Variants in ZGRF1 observed in about 807,000 individuals in gnomAD.
ZGRF1 encodes the protein zinc finger GRF-type containing 1, also known as 5'-3' DNA helicase ZGRF1.
A neutral mutation model predicts 203.5 loss-of-function variants in ZGRF1; 196 were observed. The ratio of observed to expected loss-of-function variants is 0.96; its 90% CI spans 0.86 to 1.08. The LOEUF (loss-of-function observed/expected upper bound fraction) is 1.08. ZGRF1 is among the 50% of genes least tolerant of loss of function. The pLI is 0.00. For synonymous variants in ZGRF1, 809 were observed against 841.3 expected (o/e 0.96, Z 0.66); for missense variants, 2,326 against 2,416.3 (o/e 0.96, Z 0.78).
Position 112,606,331 on chromosome 4 carries a change from T to G in ZGRF1, c.2719-240A>C, listed in dbSNP as rs1750772780. Among the ~76,000 whole-genome samples, 4 of 152,196 alleles carry G rather than the reference T, an allele frequency of 2.6e-5. No homozygotes were observed. In the South Asian group the frequency reaches 8.3e-4, roughly 31 times the overall value. On this transcript the variant is annotated intron_variant, in intron 8 of 27. Transcript: ENST00000505019. ...ACTTAGCACATTAGAAAATTCTGAT[T>G]CTAAATTTTTAATTAAATCTTTGAA...
At position 112,563,141 on chromosome 4, in the gene ZGRF1, C is replaced by T. The variant is rs1270689152; in HGVS notation, c.4572G>A (p.Trp1524Ter). 1.3e-6 allele frequency: 2 copies of T among 1,548,126 alleles called. No homozygotes were observed. The highest frequency in any genetic ancestry group is 1.7e-6 in the Non-Finnish European group (2 of 1,144,854). Reference sequence around the variant, plus strand: ...CATAGTAATACTCACTGTTAGTGGGCCAATTAGAAGGGAAATAGCCTTTCA... The same window carrying T: ...CATAGTAATACTCACTGTTAGTGGGTCAATTAGAAGGGAAATAGCCTTTCA... The part of the protein sequence containing the change: ...LPLKGYFPSN[W>*]PTNMVVHALL... The change falls in exon 17 of 28, where the codon TGG (tryptophan) becomes TGA (stop). Residue 1524 changes from tryptophan (W) to a stop codon, truncating the protein, a stop_gained. Coordinates refer to ENST00000505019, the MANE Select transcript of ZGRF1 (RefSeq NM_018392.5). LOFTEE classifies it high-confidence loss of function.
intron 10 of ZGRF1, among the ~76,000 whole-genome samples, chr4:112,591,542 T>C (rs889300772): frequency 1.3e-5 from 2 of 152,290 alleles, no homozygotes; most frequent in South Asian, 2.1e-4. Context: ...TATGCAGCCC[T>C]ACCTCATCAG....
At chr4:112,625,629 G>A (rs1269479431) in intron 3 of ZGRF1, among the ~76,000 whole-genome samples, 2 of 150,632 alleles carry the variant, frequency 1.3e-5, no homozygotes, top group Non-Finnish European at 3.0e-5. Flanking sequence ...AGGCGTGGTG[G>A]CTCACGTCTG....
At chr4:112,542,664 C>G (rs1737873787) in intron 24 of ZGRF1, among the ~76,000 whole-genome samples, 1 of 152,078 alleles carries the variant, frequency 6.6e-6, no homozygotes, top group African/African-American at 2.4e-5. Flanking sequence ...CCTCAAACTC[C>G]TGGGGCTCAC....
At chr4:112,541,305 T>G in intron 24 of ZGRF1, 37 bp from the exon 25 acceptor site, 2 of 1,287,854 alleles carry the variant, frequency 1.6e-6, no homozygotes, top group Non-Finnish European at 2.1e-6. Flanking sequence ...AAACATAATT[T>G]TTTTGTTCTT....
At chr4:112,588,748 A>G (rs980115079) in intron 11 of ZGRF1, among the ~76,000 whole-genome samples, 2 of 152,184 alleles carry the variant, frequency 1.3e-5, no homozygotes, top group Non-Finnish European at 2.9e-5. Context: ...CAGAGTTTCT[A>G]TCTTGTTGGA....
In ZGRF1 at chr4:112,617,546, T is replaced by A. The variant is rs151219591; in HGVS notation, c.2496A>T (p.Leu832=). ...TGTCTAAAGCAGTACTGTGTTCACA[T>A]AGCGACTTTAAAATAGAAATGGTAT... is the stretch of plus-strand genomic sequence containing the variant. ...LVNTISILKS[L]CEHSTALDSL... is the part of the protein sequence containing the mutation. Residue 832 remains leucine (L), a synonymous_variant, in exon 6 of 28, where the codon CTA becomes CTT. Transcript: ENST00000505019. The A allele has an allele frequency of 6.2e-7, 1 of 1,613,548 alleles. No homozygotes were observed. The highest frequency in any genetic ancestry group is 1.3e-5 in the African/African-American group (1 of 74,900).
At chr4:112,598,915 G>C (rs893099817) in intron 10 of ZGRF1, among the ~76,000 whole-genome samples, 2 of 152,088 alleles carry the variant, frequency 1.3e-5, no homozygotes, top group Admixed American at 6.6e-5. Context: ...GCGAGGTTTG[G>C]TGGTGTGTAC....
chr4:112,551,226 G>A (rs1739892292), intron 22 of ZGRF1, among the ~76,000 whole-genome samples: 1 of 152,166 alleles, frequency 6.6e-6, no homozygotes, highest in South Asian at 2.1e-4. Context: ...TAGCTGAGGA[G>A]CAATAGGCTA....
Position 112,583,988 on chromosome 4 carries a change from G to A in ZGRF1, c.4288C>T (p.Leu1430Phe), listed in dbSNP as rs751256318. Residue 1430 changes from leucine (L) to phenylalanine (F), a missense_variant, in exon 15 of 28, where the codon CTT becomes TTT. Physicochemically the swap from Leu to Phe is conservative, Grantham distance 22. Coordinates refer to ENST00000505019, the MANE Select transcript of ZGRF1 (RefSeq NM_018392.5). ...TACTATAAAACATACCTCACCAAAA[G>A]CTGGCATTCCTCATAAAGTGGTATC... ...QKIPLYEECQ[L>F]LVRKGFDFQR... is the part of the protein sequence containing the mutation. The A allele has an allele frequency of 1.9e-6, 3 of 1,598,184 alleles. No homozygotes were observed. Among genetic ancestry groups the A allele is most frequent in the Middle Eastern group, 3.3e-4 (2 of 5,998 alleles).
intron 10 of ZGRF1, among the ~76,000 whole-genome samples, chr4:112,590,488 T>C (rs760150228): frequency 5.3e-5 from 8 of 152,170 alleles, no homozygotes; most frequent in Non-Finnish European, 2.9e-5. Flanking sequence ...AGAATAAAAT[T>C]TGGAAGAATA....
intron 22 of ZGRF1, among the ~76,000 whole-genome samples, chr4:112,552,833 C>T (rs1008969057): frequency 6.6e-6 from 1 of 152,072 alleles, no homozygotes; most frequent in East Asian, 1.9e-4. Flanking sequence ...TTAGGCTTGG[C>T]CGTGTGACCT....
chr4:112,594,440 G>C (rs1041900079), intron 10 of ZGRF1, among the ~76,000 whole-genome samples: 1 of 146,648 alleles, frequency 6.8e-6, no homozygotes, highest in Non-Finnish European at 1.5e-5. Flanking sequence ...TAAGTTTTTT[G>C]TTTTCGGTTT....
intron 9 of ZGRF1, 171 bp downstream of exon 9, chr4:112,605,837 G>C (rs1254198286): frequency 1.7e-6 from 1 of 573,154 alleles, no homozygotes; most frequent in Non-Finnish European, 3.1e-6. Context: ...AGACCAAAAA[G>C]GGGGGCAGGA....
chr4:112,603,713 T>C lies in ZGRF1; in HGVS notation c.2803-16A>G. On this transcript the variant is annotated splice_polypyrimidine_tract_variant and intron_variant, in intron 9 of 27. Transcript: ENST00000505019. ...ACTCAACAGGCTACAGGTAAATTATTAAAAATAAGAACTGCATAACTATAT... is the reference window on the plus strand; with the variant it reads ...ACTCAACAGGCTACAGGTAAATTATCAAAAATAAGAACTGCATAACTATAT... The C allele has an allele frequency of 6.3e-7, 1 of 1,599,356 alleles. No individual in the cohort carries two copies.
rs61745597 is a variant in ZGRF1 at position 112,623,837 on chromosome 4, G to T, written c.142C>A (p.Leu48Met). ...YDDKGACLES[L>M]FLKCLEVKPG... is the part of the protein sequence containing the mutation. ...AATACCTCAAGGCATTTAAGAAACAGACTCTCCAAACATGCTCCTTTGTCA... is the reference window on the plus strand; with the variant it reads ...AATACCTCAAGGCATTTAAGAAACATACTCTCCAAACATGCTCCTTTGTCA... Residue 48 changes from leucine to methionine, a missense_variant, in exon 4 of 28, where the codon CTG (leucine) becomes ATG (methionine). Physicochemically the swap from Leu to Met is conservative, Grantham distance 15. Coordinates refer to ENST00000505019, the MANE Select transcript of ZGRF1 (RefSeq NM_018392.5). 15,743 of 1,581,964 alleles carry T rather than the reference G, an allele frequency of 1.0e-2. 151 individuals carry two copies. Among genetic ancestry groups the T allele is most frequent in the Middle Eastern group, 0.034 (205 of 5,992 alleles).
chr4:112,586,579 A>G lies in ZGRF1; in HGVS notation c.3782T>C (p.Ile1261Thr). Residue 1261 changes from isoleucine to threonine, a missense_variant, in exon 13 of 28, where the codon ATA (isoleucine) becomes ACA (threonine). Coordinates refer to ENST00000505019, the MANE Select transcript of ZGRF1 (RefSeq NM_018392.5). ...YNYSVKDLQE[I>T]SGSELCFPSG... ...TGGAAAGCACAGCTCAGAGCCACTT[A>G]TCTCCTGCAATGGAATAATTCAAGT... 6.2e-7 allele frequency: 1 copy of G among 1,602,320 alleles called. No homozygotes were observed. The highest frequency in any genetic ancestry group is 1.1e-5 in the South Asian group (1 of 89,242).
At chr4:112,599,820 G>A (rs766086072) in intron 10 of ZGRF1, among the ~76,000 whole-genome samples, 6 of 152,034 alleles carry the variant, frequency 3.9e-5, no homozygotes, top group Non-Finnish European at 8.8e-5. Flanking sequence ...CTTAATATAT[G>A]GACCCTTGAT....
intron 15 of ZGRF1, among the ~76,000 whole-genome samples, chr4:112,582,818 T>G (rs1275557036): frequency 6.6e-6 from 1 of 152,212 alleles, no homozygotes; most frequent in Non-Finnish European, 1.5e-5. Context: ...GATTTCATTC[T>G]TTTTTATGGC....
Sources: gnomAD v4.1 joint callset for allele counts (sites outside exome capture counted in the v4.1 genomes callset) on GRCh38, gnomAD v4.1.1 for gene constraint, MANE v1.5 for transcripts, NCBI Gene and HGNC (gene_info 2026-07-23, HGNC 2026-07-21) for gene names.